GRM8: variants seen among roughly 807,000 people sequenced by gnomAD.
GRM8 encodes the protein glutamate metabotropic receptor 8.
GRM8 carries 47 observed loss-of-function variants against 87.2 expected under a neutral mutation model. The ratio of observed to expected loss-of-function variants is 0.54; its 90% CI spans 0.43 to 0.69. The LOEUF is 0.69. Ranked by LOEUF, GRM8 falls within the 30% of genes least tolerant of loss-of-function variation. GRM8 has a pLI of 0.00. For missense variants in GRM8, 1,019 were observed against 1,139.2 expected (o/e 0.89, Z 1.52); for synonymous variants, 396 against 404.5 (o/e 0.98, Z 0.25).
chr7:126,829,086 T>A (rs929065734), intron 6 of GRM8, among the ~76,000 whole-genome samples: 1 of 152,044 alleles, frequency 6.6e-6, no homozygotes, highest in Non-Finnish European at 1.5e-5. Flanking sequence ...ATAATTTCTG[T>A]TCTTTTACAT....
intron 8 of GRM8, among the ~76,000 whole-genome samples, chr7:126,575,911 C>A (rs1320023614): frequency 6.6e-6 from 1 of 152,164 alleles, no homozygotes; most frequent in Non-Finnish European, 1.5e-5. Context: ...ATTATTAGCT[C>A]TCATCCACTC....
At chr7:126,825,537 C>A (rs1463698500) in intron 6 of GRM8, among the ~76,000 whole-genome samples, 4 of 152,038 alleles carry the variant, frequency 2.6e-5, no homozygotes, top group Admixed American at 1.3e-4. Context: ...CAATTCAAGT[C>A]CAGAGTTTCC....
At position 126,654,527 on chromosome 7, in the gene GRM8, G is replaced by A. The variant is rs554888104; in HGVS notation, c.1358-45029C>T. ...TGTAAGGTTCATTTTCTTCTAGCCC[G>A]AATGAATTGTACCCAGTATTTATGT... On this transcript the variant is annotated intron_variant, in intron 7 of 10. Coordinates refer to ENST00000339582, the MANE Select transcript of GRM8 (RefSeq NM_000845.3). Among the ~76,000 whole-genome samples the A allele has an allele frequency of 7.4e-4, 113 of 152,224 alleles. No individual in the cohort carries two copies. In the Middle Eastern group the frequency reaches 0.017, roughly 23 times the overall value.
intron 9 of GRM8, chr7:126,513,005 A>T (rs2150752549): frequency 6.6e-6 from 1 of 152,272 alleles, no homozygotes; most frequent in Non-Finnish European, 1.5e-5. Context: ...CAGAGCCAAT[A>T]TATCCTTTTG....
intron 3 of GRM8, among the ~76,000 whole-genome samples, chr7:127,065,748 G>A (rs1314069149): frequency 6.6e-6 from 1 of 152,176 alleles, no homozygotes; most frequent in Non-Finnish European, 1.5e-5. Flanking sequence ...CACAGTTGCA[G>A]AGCCCACCAG....
At chr7:126,475,969 A>G (rs1805857707) in intron 9 of GRM8, among the ~76,000 whole-genome samples, 1 of 152,182 alleles carries the variant, frequency 6.6e-6, no homozygotes, top group Admixed American at 6.5e-5. Flanking sequence ...ACTCAAAGTG[A>G]ATGCATTAAA....
chr7:126,477,573 A>AAG (rs1274921438), intron 9 of GRM8, among the ~76,000 whole-genome samples: 3,915 of 112,706 alleles, frequency 0.035, 96 homozygotes, highest in Non-Finnish European at 0.042. Flanking sequence ...GAAAGAAAGA[A>AAG]AGAAAGAGAG....
intron 2 of GRM8, among the ~76,000 whole-genome samples, chr7:127,109,577 T>C (rs964534442): frequency 6.6e-6 from 1 of 152,190 alleles, no homozygotes; most frequent in Non-Finnish European, 1.5e-5. Flanking sequence ...CACCTCCATC[T>C]GGGGACAGTT....
chr7:127,107,744 C>A (rs1273366871), intron 2 of GRM8, among the ~76,000 whole-genome samples: 1 of 152,144 alleles, frequency 6.6e-6, no homozygotes, highest in Non-Finnish European at 1.5e-5. Context: ...ACAGATGATT[C>A]CCAATCTATA....
intron 8 of GRM8, among the ~76,000 whole-genome samples, chr7:126,601,334 T>A (rs1292681077): frequency 1.3e-5 from 2 of 152,142 alleles, no homozygotes; most frequent in Non-Finnish European, 2.9e-5. Flanking sequence ...TCTATCGTTG[T>A]TGGACATTTG....
At chr7:127,019,013 T>C (rs1471689007) in intron 3 of GRM8, among the ~76,000 whole-genome samples, 7 of 152,016 alleles carry the variant, frequency 4.6e-5, no homozygotes, top group Admixed American at 4.6e-4. Context: ...AATCCCTAGC[T>C]GATACAGGGT....
At chr7:126,773,730 TCA>T in intron 6 of GRM8, among the ~76,000 whole-genome samples, 1 of 152,092 alleles carries the variant, frequency 6.6e-6, no homozygotes. Context: ...GTGTGGTGGC[TCA>T]CAGCTGTAAT....
At chr7:126,636,453 G>A (rs531150716) in intron 7 of GRM8, among the ~76,000 whole-genome samples, 336 of 152,056 alleles carry the variant, frequency 2.2e-3, no homozygotes, top group Non-Finnish European at 3.9e-3. Flanking sequence ...TAAATATTAT[G>A]TAAATAGCTG....
chr7:126,558,970 T>C (rs940492927), intron 8 of GRM8, among the ~76,000 whole-genome samples: 1 of 151,962 alleles, frequency 6.6e-6, no homozygotes, highest in Non-Finnish European at 1.5e-5. Flanking sequence ...GCAGCTACAA[T>C]TAGTGAAGAG....
chr7:127,040,188 C>T (rs1022099819), intron 3 of GRM8, among the ~76,000 whole-genome samples: 1 of 151,836 alleles, frequency 6.6e-6, no homozygotes, highest in Non-Finnish European at 1.5e-5. Context: ...CCTGTATCTC[C>T]AGGAATGGGC....
chr7:127,208,755 C>T (rs535188682), intron 2 of GRM8, among the ~76,000 whole-genome samples: 19 of 152,308 alleles, frequency 1.2e-4, no homozygotes, highest in East Asian at 5.8e-4. Context: ...TGATTCGGTA[C>T]ACTTGATGTG....
At chr7:126,971,230 A>G (rs1810397849) in intron 3 of GRM8, among the ~76,000 whole-genome samples, 1 of 151,804 alleles carries the variant, frequency 6.6e-6, no homozygotes, top group South Asian at 2.1e-4. Context: ...TGTACATATA[A>G]ACATCATGTT....
At chr7:126,637,256 G>A (rs914218423) in intron 7 of GRM8, among the ~76,000 whole-genome samples, 1 of 151,948 alleles carries the variant, frequency 6.6e-6, no homozygotes, top group Admixed American at 6.6e-5. Flanking sequence ...GCGAGGGAAG[G>A]ATATGATAAG....
chr7:126,874,646 C>T (rs1439693466), intron 6 of GRM8, among the ~76,000 whole-genome samples: 2 of 151,978 alleles, frequency 1.3e-5, no homozygotes, highest in Non-Finnish European at 2.9e-5. Context: ...GGAGGTGAAC[C>T]TATTCATTAA....
Sources: gnomAD v4.1 joint callset for allele counts (sites outside exome capture counted in the v4.1 genomes callset) on GRCh38, gnomAD v4.1.1 for gene constraint, MANE v1.5 for transcripts, NCBI Gene and HGNC (gene_info 2026-07-23, HGNC 2026-07-21) for gene names.